GRM7: variants seen among roughly 807,000 people sequenced by gnomAD.
The protein encoded by GRM7 is glutamate metabotropic receptor 7.
A neutral mutation model predicts 84.5 loss-of-function variants in GRM7; 35 were observed. The ratio of observed to expected loss-of-function variants is 0.41; its 90% confidence interval spans 0.32 to 0.55. GRM7 has a LOEUF of 0.55. GRM7 is among the 20% of genes least tolerant of loss of function. The probability of loss-of-function intolerance (pLI) is 0.19; values close to 1 mark genes in which losing one functional copy is unlikely to be tolerated. For synonymous variants in GRM7, 487 were observed against 455.1 expected (o/e 1.07, Z -0.89); for missense variants, 1,003 against 1,194.6 (o/e 0.84, Z 2.36).
chr3:7,723,456 A>G (rs1259740519), intron 9 of GRM7, among the ~76,000 whole-genome samples: 2 of 152,248 alleles, frequency 1.3e-5, no homozygotes, highest in South Asian at 4.2e-4. Flanking sequence ...CTAAGTGCAA[A>G]CAGGAATGGA....
At chr3:7,234,541 CAT>C in intron 2 of GRM7, among the ~76,000 whole-genome samples, 1 of 152,264 alleles carries the variant, frequency 6.6e-6, no homozygotes, top group African/African-American at 2.4e-5. Context: ...ATAAAATCTC[CAT>C]TCAACAAATA....
intron 6 of GRM7, among the ~76,000 whole-genome samples, chr3:7,456,364 G>A (rs1698008314): frequency 6.6e-6 from 1 of 151,762 alleles, no homozygotes; most frequent in East Asian, 1.9e-4. Context: ...AGTGGTTATT[G>A]TGTGCCAGAA....
intron 7 of GRM7, among the ~76,000 whole-genome samples, chr3:7,512,239 T>C (rs1401894865): frequency 6.6e-6 from 1 of 152,184 alleles, no homozygotes; most frequent in African/African-American, 2.4e-5. Context: ...CCTGTTTTAC[T>C]TTTGCTTCTG....
At chr3:7,432,014 C>T (rs1439917091) in intron 5 of GRM7, among the ~76,000 whole-genome samples, 1 of 152,082 alleles carries the variant, frequency 6.6e-6, no homozygotes, top group Non-Finnish European at 1.5e-5. Flanking sequence ...TGTGGCTTCC[C>T]AGATACTCCA....
At chr3:7,270,134 C>T (rs1698799113) in intron 2 of GRM7, among the ~76,000 whole-genome samples, 1 of 152,204 alleles carries the variant, frequency 6.6e-6, no homozygotes, top group Admixed American at 6.5e-5. Context: ...TGCTGCTGAT[C>T]TGGGAAAGCC....
rs542441270 is a variant in GRM7 at position 6,866,847 on chromosome 3, C to T, written c.519+4940C>T. 1.3e-3 allele frequency among the ~76,000 whole-genome samples: 199 copies of T among 152,282 alleles called. 1 individual carries two copies. The Middle Eastern group carries it at 0.017, about 13-fold the overall frequency. On this transcript the variant is annotated intron_variant, in intron 1 of 9. Coordinates refer to ENST00000357716, the MANE Select transcript of GRM7 (RefSeq NM_000844.4). ...AGCAGGTGATTGGTTCCTTTGTAAT[C>T]GTTTGACCTCATCCAGGCCAATTAG...
chr3:7,210,756 C>G lies in GRM7; in HGVS notation c.736+64088C>G, dbSNP rs118019706. ...CGCTCTGGGCATGTGATAGGAAAGA[C>G]AAAAAGATACAGCGATAAAGACAAT... is the stretch of plus-strand genomic sequence containing the variant. On this transcript the variant is annotated intron_variant, in intron 2 of 9. Transcript: ENST00000357716. Among the ~76,000 whole-genome samples the G allele has an allele frequency of 2.5e-3, 382 of 150,826 alleles. 5 individuals carry two copies. The East Asian group carries it at 0.03, about 12-fold the overall frequency.
chr3:7,344,272 G>A (rs1285695363), intron 4 of GRM7, among the ~76,000 whole-genome samples: 2 of 152,104 alleles, frequency 1.3e-5, no homozygotes, highest in African/African-American at 4.8e-5. Flanking sequence ...AGGACCTAGT[G>A]TGTGTTGTTA....
At chr3:7,236,468 C>T (rs1209660087) in intron 2 of GRM7, among the ~76,000 whole-genome samples, 1 of 152,168 alleles carries the variant, frequency 6.6e-6, no homozygotes, top group Non-Finnish European at 1.5e-5. Context: ...GACTTGACAG[C>T]TCCTTCCATC....
At chr3:6,910,182 T>G (rs367808797) in intron 1 of GRM7, among the ~76,000 whole-genome samples, 1 of 152,076 alleles carries the variant, frequency 6.6e-6, no homozygotes, top group East Asian at 1.9e-4. Context: ...CAATGAGAAA[T>G]GGAGAGGTCT....
intron 8 of GRM7, among the ~76,000 whole-genome samples, chr3:7,601,688 A>G (rs904691228): frequency 1.3e-5 from 2 of 152,080 alleles, no homozygotes; most frequent in Non-Finnish European, 2.9e-5. Flanking sequence ...TTCAGGTTCT[A>G]TGTGGTCAGT....
chr3:6,994,388 C>T (rs1694758884), intron 1 of GRM7, among the ~76,000 whole-genome samples: 1 of 152,150 alleles, frequency 6.6e-6, no homozygotes, highest in South Asian at 2.1e-4. Context: ...GGAAACAATT[C>T]TCTTACTGTC....
rs1425097425 is a variant in GRM7 at position 7,702,616 on chromosome 3, C to T, written c.2698+22321C>T. On this transcript the variant is annotated intron_variant, in intron 9 of 9. Coordinates refer to ENST00000357716, the MANE Select transcript of GRM7 (RefSeq NM_000844.4). ...CAAAATATACTGCAAGTTATAATTTCACTTAAAAGATGCTTTAAGTTATTC... is the reference window on the plus strand; with the variant it reads ...CAAAATATACTGCAAGTTATAATTTTACTTAAAAGATGCTTTAAGTTATTC... Among the ~76,000 whole-genome samples, 9 of 152,192 alleles carry T rather than the reference C, an allele frequency of 5.9e-5. No homozygotes were observed. In the East Asian group the frequency reaches 1.7e-3, roughly 29 times the overall value.
chr3:7,105,388 A>G (rs1277574707), intron 1 of GRM7, among the ~76,000 whole-genome samples: 2 of 151,880 alleles, frequency 1.3e-5, no homozygotes, highest in South Asian at 2.1e-4. Context: ...AGCTTTGCCT[A>G]TTGTTAAGTA....
chr3:7,028,015 T>A (rs1696043756), intron 1 of GRM7, among the ~76,000 whole-genome samples: 1 of 151,332 alleles, frequency 6.6e-6, no homozygotes, highest in Admixed American at 6.6e-5. Context: ...GTAAATCTTA[T>A]TTTCTTCTAC....
intron 7 of GRM7, among the ~76,000 whole-genome samples, chr3:7,530,241 C>T (rs931146316): frequency 6.6e-6 from 1 of 152,044 alleles, no homozygotes; most frequent in African/African-American, 2.4e-5. Context: ...TGGTTGTCAG[C>T]TTCATCCATG....
In GRM7 at chr3:7,305,626, C is replaced by CAATA. The variant is rs1345198272; in HGVS notation, c.879-872_879-871insAATA. 3.0e-3 allele frequency among the ~76,000 whole-genome samples: 135 copies of CAATA among 45,686 alleles called. 26 individuals are homozygous for CAATA. The highest frequency in any genetic ancestry group is 0.019 in the Middle Eastern group (1 of 54). 30.0% of individuals were successfully genotyped at this position (45,686 alleles called of 152,430 possible). On this transcript the variant is annotated intron_variant, in intron 3 of 9. Transcript: ENST00000357716. ...GGTTTTTTGTTCTTGCGATAGTTTA[C>CAATA]TGAGAATGATTTTTTTCTTTAGAAA...
At chr3:6,878,378 CGT>C (rs34132725) in intron 1 of GRM7, among the ~76,000 whole-genome samples, 25,636 of 141,862 alleles carry the variant, frequency 0.18, 2,438 homozygotes, top group East Asian at 0.3. Flanking sequence ...TATGTGTTTG[CGT>C]GTGTGTGTGT....
At chr3:7,209,746 A>G (rs6769814) in intron 2 of GRM7, among the ~76,000 whole-genome samples, 42,802 of 152,158 alleles carry the variant, frequency 0.28, 6,125 homozygotes, top group Middle Eastern at 0.36. Flanking sequence ...AAAGTGTTCA[A>G]CGAAGGTAGA....
Sources: allele counts gnomAD v4.1 joint callset (sites outside exome capture counted in the v4.1 genomes callset), GRCh38; gene constraint gnomAD v4.1.1; transcripts MANE v1.5; gene names NCBI Gene and HGNC (gene_info 2026-07-23, HGNC 2026-07-21).